Variants in MEGF9 observed in about 807,000 individuals in gnomAD.
The protein encoded by MEGF9 is multiple epidermal growth factor-like domains protein 9.
Under a neutral mutation model 46.8 loss-of-function variants are expected in MEGF9, and 6 were observed. The observed-to-expected ratio is 0.13, with a 90% CI of 0.07 to 0.25. The LOEUF is 0.25. Among genes scored for constraint, MEGF9 ranks in the 10% least tolerant of loss-of-function variants. MEGF9 has a pLI of 1.00. For missense variants in MEGF9, 683 were observed against 792.4 expected (o/e 0.86, Z 1.66); for synonymous variants, 302 against 330.7 (o/e 0.91, Z 0.94).
Position 120,691,327 on chromosome 9 carries a change from T to G in MEGF9, c.601+22431A>C, listed in dbSNP as rs78876922. On this transcript the variant is annotated intron_variant, in intron 1 of 5. Transcript: ENST00000373930. ...TGGTTGTGCAGGTGGGTGAGAGATA[T>G]GAGAAAGGTCATAACCCTACTCTGT... is the stretch of plus-strand genomic sequence containing the variant. The G allele has an allele frequency of 7.1e-3, 2,415 of 340,130 alleles. 19 individuals are homozygous for G. The highest frequency in any genetic ancestry group is 0.011 in the Middle Eastern group (23 of 2,068). 21.1% of individuals were successfully genotyped at this position (340,130 alleles called of 1,614,324 possible). A position where few individuals can be genotyped will look rare whatever the true frequency, so the allele number is the denominator to read the frequency against.
At chr9:120,634,984 T>C (rs2043567768) in intron 2 of MEGF9, among the ~76,000 whole-genome samples, 1 of 152,232 alleles carries the variant, frequency 6.6e-6, no homozygotes, top group Non-Finnish European at 1.5e-5. Flanking sequence ...CCCTTGAGCA[T>C]TTCATGTAAG....
chr9:120,622,197 A>C (rs2043502723), intron 3 of MEGF9, among the ~76,000 whole-genome samples: 1 of 152,124 alleles, frequency 6.6e-6, no homozygotes, highest in African/African-American at 2.4e-5. Context: ...TCTTGTTTCC[A>C]ACCATCATGC....
Position 120,605,665 on chromosome 9 carries a change from A to C in MEGF9, c.1358-24T>G. 6.8e-7 allele frequency: 1 copy of C among 1,480,410 alleles called. No individual in the cohort carries two copies. Among genetic ancestry groups the C allele is most frequent in the South Asian group, 1.3e-5 (1 of 76,626 alleles). The allele number at this position is 1,480,410 out of a possible 1,614,324, so 91.7% of individuals were successfully genotyped here. ...TTCTGAAAATAAAAACAGAGAATGA[A>C]ATGTAAAAGACAAAATTATCTAGTT... is the stretch of plus-strand genomic sequence containing the variant. On this transcript the variant is annotated intron_variant, in intron 5 of 5. Transcript: ENST00000373930. The surrounding 1 kb of genome is among the most constrained non-coding windows in gnomAD (Gnocchi z 4.0).
chr9:120,699,974 C>A (rs1397649659), intron 1 of MEGF9, among the ~76,000 whole-genome samples: 1 of 151,998 alleles, frequency 6.6e-6, no homozygotes, highest in African/African-American at 2.4e-5. Context: ...GTAAAGAAGC[C>A]ATATATAAAT....
chr9:120,621,507 T>C (rs1339077971), intron 3 of MEGF9, among the ~76,000 whole-genome samples: 2 of 152,210 alleles, frequency 1.3e-5, no homozygotes, highest in Non-Finnish European at 2.9e-5. Context: ...AGTTTGTTCA[T>C]TTGATATTTT....
At chr9:120,647,130 A>G (rs1243281081) in intron 2 of MEGF9, among the ~76,000 whole-genome samples, 1 of 151,884 alleles carries the variant, frequency 6.6e-6, no homozygotes, top group East Asian at 1.9e-4. Context: ...AAGGTCACCG[A>G]GACCTGGAAA....
intron 1 of MEGF9, among the ~76,000 whole-genome samples, chr9:120,697,027 C>T (rs945924039): frequency 6.6e-6 from 1 of 152,206 alleles, no homozygotes; most frequent in Non-Finnish European, 1.5e-5. Flanking sequence ...AAGGGGAATG[C>T]ACCCTGAAAT....
intron 2 of MEGF9, among the ~76,000 whole-genome samples, chr9:120,625,573 T>C (rs961805000): frequency 1.3e-5 from 2 of 151,602 alleles, no homozygotes; most frequent in African/African-American, 4.9e-5. Flanking sequence ...CAGTGGCTCA[T>C]GCCTGTAATC....
chr9:120,656,607 G>A (rs1267825667), intron 2 of MEGF9, among the ~76,000 whole-genome samples: 2 of 151,440 alleles, frequency 1.3e-5, no homozygotes, highest in South Asian at 2.1e-4. Context: ...TTAGTAGAGT[G>A]CCCTAGCATA....
chr9:120,658,806 A>G (rs1254940851), intron 2 of MEGF9, among the ~76,000 whole-genome samples: 1 of 152,218 alleles, frequency 6.6e-6, no homozygotes, highest in Non-Finnish European at 1.5e-5. Flanking sequence ...AATTACCTCC[A>G]AATAACATAA....
chr9:120,679,937 C>CA (rs34290703), intron 1 of MEGF9, among the ~76,000 whole-genome samples: 73,583 of 118,332 alleles, frequency 0.62, 22,826 homozygotes, highest in South Asian at 0.76. Context: ...GACTCCGTCT[C>CA]AAAAAAAAAA....
chr9:120,608,195 T>C (rs2043428860), intron 4 of MEGF9, among the ~76,000 whole-genome samples, 185 bp from the exon 5 acceptor site: 1 of 152,178 alleles, frequency 6.6e-6, no homozygotes, highest in Non-Finnish European at 1.5e-5. Flanking sequence ...TTCTAATTTG[T>C]TTTTTATAAA....
chr9:120,674,965 G>A (rs1207507328), intron 1 of MEGF9, among the ~76,000 whole-genome samples: 3 of 149,904 alleles, frequency 2.0e-5, no homozygotes, highest in Non-Finnish European at 3.0e-5. Context: ...TGCAAGCTCC[G>A]CCTTCTGGAT....
At chr9:120,629,856 C>T (rs1007241495) in intron 2 of MEGF9, among the ~76,000 whole-genome samples, 11 of 151,884 alleles carry the variant, frequency 7.2e-5, no homozygotes, top group Non-Finnish European at 1.2e-4. Flanking sequence ...TTGCTTGAAC[C>T]TGGCAGGTGG....
intron 2 of MEGF9, among the ~76,000 whole-genome samples, chr9:120,652,142 GCACACACACACACACACACACA>G (rs869130385): frequency 3.8e-5 from 1 of 26,138 alleles, no homozygotes; most frequent in Admixed American, 8.6e-4. Context: ...AAACAAACAA[GCACACACACACACACACACACA>G]CACACACACA....
chr9:120,693,196 T>C (rs1006053454), intron 1 of MEGF9, among the ~76,000 whole-genome samples: 3 of 149,164 alleles, frequency 2.0e-5, no homozygotes, highest in African/African-American at 7.4e-5. Context: ...AACAGAAGCA[T>C]CTTAGTGAAG....
chr9:120,683,718 C>T (rs962840731), intron 1 of MEGF9, among the ~76,000 whole-genome samples: 1 of 152,008 alleles, frequency 6.6e-6, no homozygotes, highest in African/African-American at 2.4e-5. Flanking sequence ...CATGGTAAAA[C>T]TCTGTCTCTA....
chr9:120,640,561 A>G (rs1564418292), intron 2 of MEGF9, among the ~76,000 whole-genome samples: 2 of 151,972 alleles, frequency 1.3e-5, no homozygotes, highest in African/African-American at 4.8e-5. Context: ...TAGGCATGCA[A>G]ACTTTGTTTA....
intron 2 of MEGF9, among the ~76,000 whole-genome samples, chr9:120,628,066 A>G (rs940526713): frequency 1.3e-5 from 2 of 152,238 alleles, no homozygotes; most frequent in Non-Finnish European, 2.9e-5. Context: ...AAACTCGCTC[A>G]ATATATTAAA....
Sources: gnomAD v4.1 joint callset for allele counts (sites outside exome capture counted in the v4.1 genomes callset) on GRCh38, gnomAD v4.1.1 for gene constraint, Gnocchi (gnomAD v3.1) non-coding constraint, MANE v1.5 for transcripts, NCBI Gene and HGNC (gene_info 2026-07-23, HGNC 2026-07-21) for gene names.